Variants in SLA2 observed in about 807,000 individuals in gnomAD.
The protein encoded by SLA2 is src-like-adapter 2.
A neutral mutation model predicts 27.3 loss-of-function variants in SLA2; 22 were observed. The observed-to-expected ratio is 0.81, with a 90% confidence interval of 0.58 to 1.15. SLA2 has a LOEUF of 1.15. SLA2 is among the 50% of genes most tolerant of loss of function. The pLI is 0.00. For synonymous variants in SLA2, 131 were observed against 137.8 expected, an observed-to-expected ratio of 0.95 and a Z score of 0.34; for missense variants, 304 against 322.2, an observed-to-expected ratio of 0.94 and a Z score of 0.43.
intron 5 of SLA2, among the ~76,000 whole-genome samples, chr20:36,624,619 G>A (rs912627233): frequency 1.3e-5 from 2 of 152,214 alleles, no homozygotes; most frequent in Non-Finnish European, 2.9e-5. Context: ...TAAACACTCG[G>A]ACGGAGCCAC....
chr20:36,641,410 G>A (rs1039406500), intron 1 of SLA2, 32 bp from the exon 2 acceptor site: 31 of 1,341,352 alleles, frequency 2.3e-5, no homozygotes, highest in South Asian at 1.2e-5. Context: ...GGACAGAGCC[G>A]AGGCTTCTGG....
intron 5 of SLA2, chr20:36,621,449 T>C (rs1199967596): frequency 2.1e-6 from 1 of 483,128 alleles, no homozygotes; most frequent in Non-Finnish European, 4.0e-6. Context: ...GCTATAGTGT[T>C]GTTTTTTTTT....
At chr20:36,634,805 GAGAA>G (rs1002281328) in intron 2 of SLA2, among the ~76,000 whole-genome samples, 3 of 151,526 alleles carry the variant, frequency 2.0e-5, no homozygotes, top group Admixed American at 6.6e-5. Context: ...GAGAGAGAGA[GAGAA>G]AGAAAGAAAA....
At chr20:36,643,223 C>T (rs1040873839) in intron 1 of SLA2, among the ~76,000 whole-genome samples, 7 of 152,288 alleles carry the variant, frequency 4.6e-5, no homozygotes, top group Non-Finnish European at 1.0e-4. Flanking sequence ...TTTAAATCCC[C>T]GGATTTCCAG....
intron 5 of SLA2, among the ~76,000 whole-genome samples, chr20:36,619,567 G>C (rs1327507528): frequency 6.6e-6 from 1 of 151,558 alleles, no homozygotes; most frequent in Non-Finnish European, 1.5e-5. Context: ...GGTCACTTGA[G>C]GCTAAGAATT....
At chr20:36,638,084 G>T (rs1363865015) in intron 2 of SLA2, among the ~76,000 whole-genome samples, 1 of 151,512 alleles carries the variant, frequency 6.6e-6, no homozygotes, top group African/African-American at 2.4e-5. Flanking sequence ...GTAGAGACGG[G>T]GTTTCACTAT....
At chr20:36,637,980 CT>C in intron 2 of SLA2, among the ~76,000 whole-genome samples, 1 of 150,886 alleles carries the variant, frequency 6.6e-6, no homozygotes, top group East Asian at 2.0e-4. Context: ...CCTCCACCTC[CT>C]CCTGGGTTCA....
intron 6 of SLA2, chr20:36,614,964 G>A (rs988950794): frequency 1.0e-6 from 1 of 985,410 alleles, no homozygotes; most frequent in Non-Finnish European, 1.2e-6. Context: ...GCTGCCAGGG[G>A]CTCTGAGTCA....
At chr20:36,621,323 T>C in intron 5 of SLA2, 1 of 614,972 alleles carries the variant, frequency 1.6e-6, no homozygotes, top group South Asian at 1.4e-5. Context: ...TATGGACCTA[T>C]GAAAGGAGGC....
intron 1 of SLA2, 64 bp from the exon 2 acceptor site, chr20:36,641,442 C>G: frequency 1.1e-6 from 1 of 913,266 alleles, no homozygotes; most frequent in Non-Finnish European, 1.7e-6. Flanking sequence ...ATACCTCTCC[C>G]TCCCCAGATC....
rs1191424299 is a variant in SLA2 at position 36,612,453 on chromosome 20, G to A, written c.*1413C>T. On this transcript the variant is annotated 3_prime_UTR_variant, in exon 8 of 8. Transcript: ENST00000262866. ...CATTTCAAGTCTTCTGAAACAGCAT[G>A]GCTGTATGTGCGTGGTCCATAGCAC... 4 of 579,994 alleles carry A rather than the reference G, an allele frequency of 6.9e-6. No individual in the cohort carries two copies. The highest frequency in any genetic ancestry group is 3.7e-5 in the African/African-American group (2 of 53,506). 35.9% of individuals were successfully genotyped at this position (579,994 alleles called of 1,614,324 possible). A position where few individuals can be genotyped will look rare whatever the true frequency, so the allele number is the denominator to read the frequency against.
At chr20:36,622,355 CA>C (rs796971769) in intron 5 of SLA2, among the ~76,000 whole-genome samples, 61 of 95,320 alleles carry the variant, frequency 6.4e-4, no homozygotes, top group Middle Eastern at 5.9e-3. Context: ...GACTCCATCT[CA>C]AAAAAAAAAA....
chr20:36,618,208 A>G (rs1279851627), intron 5 of SLA2, among the ~76,000 whole-genome samples: 1 of 152,150 alleles, frequency 6.6e-6, no homozygotes, highest in Non-Finnish European at 1.5e-5. Flanking sequence ...GCAGACAACC[A>G]TAAGTAAGCT....
chr20:36,642,578 ATTTTG>A (rs1392933204), intron 1 of SLA2, among the ~76,000 whole-genome samples: 1 of 151,116 alleles, frequency 6.6e-6, no homozygotes, highest in Non-Finnish European at 1.5e-5. Flanking sequence ...CTCTTTGCAA[ATTTTG>A]TTTTGTTTTG....
chr20:36,638,535 G>T (rs2039476036), intron 2 of SLA2, among the ~76,000 whole-genome samples: 1 of 152,072 alleles, frequency 6.6e-6, no homozygotes. Context: ...TACCATATTG[G>T]TCAGGCTGAT....
intron 6 of SLA2, chr20:36,614,973 C>G: frequency 1.0e-6 from 1 of 985,402 alleles, no homozygotes; most frequent in Non-Finnish European, 1.2e-6. Context: ...GGCTCTGAGT[C>G]AGAACCAGAG....
intron 2 of SLA2, among the ~76,000 whole-genome samples, chr20:36,637,188 T>C (rs2039459517): frequency 6.7e-6 from 1 of 148,836 alleles, no homozygotes; most frequent in Admixed American, 6.7e-5. Context: ...GGTGCGCGTG[T>C]GTGTATTTTT....
At chr20:36,633,406 C>A in intron 4 of SLA2, 137 bp downstream of exon 4, 1 of 720,006 alleles carries the variant, frequency 1.4e-6, no homozygotes, top group Non-Finnish European at 2.5e-6. Context: ...AGCTGTCTGC[C>A]CCTCTTGAGG....
intron 6 of SLA2, chr20:36,614,670 G>T: frequency 1.0e-6 from 1 of 985,432 alleles, no homozygotes; most frequent in African/African-American, 1.7e-5. Context: ...TGGACCTCTT[G>T]AGCTCAAGTT....
Sources: allele counts gnomAD v4.1 joint callset (sites outside exome capture counted in the v4.1 genomes callset), GRCh38; gene constraint gnomAD v4.1.1; transcripts MANE v1.5; gene names NCBI Gene and HGNC (gene_info 2026-07-23, HGNC 2026-07-21).